Variants in MUC6 observed in about 807,000 individuals in gnomAD.
MUC6 encodes mucin 6, oligomeric mucus/gel-forming (gene/pseudogene).
In MUC6, 188 loss-of-function variants were observed where a neutral mutation model predicts 201.5. The observed-to-expected ratio is 0.93, with a 90% CI of 0.83 to 1.05. MUC6 has a LOEUF of 1.05. Ranked by LOEUF, MUC6 falls within the 50% of genes least tolerant of loss-of-function variation. MUC6 has a pLI of 0.00. For missense variants in MUC6, 2,706 were observed against 3,256.9 expected, an observed-to-expected ratio of 0.83 and a Z score of 4.12; for synonymous variants, 1,228 against 1,389.4, an observed-to-expected ratio of 0.88 and a Z score of 2.58.
At chr11:1,030,148 G>A (rs1243670700) in intron 8 of MUC6, 65 bp downstream of exon 8, 8 of 1,487,994 alleles carry the variant, frequency 5.4e-6, no homozygotes, top group Admixed American at 4.3e-5. Flanking sequence ...GGGGTCTGAC[G>A]TCCCCTTGTC....
rs571360650 is a variant in MUC6, at chr11:1,014,214, G to A, written c.7040-213C>T. Among the ~76,000 whole-genome samples the A allele has an allele frequency of 1.5e-3, 229 of 152,314 alleles. 1 individual carries two copies. The highest frequency in any genetic ancestry group is 2.9e-3 in the Non-Finnish European group (195 of 68,026). On this transcript the variant is annotated intron_variant, in intron 31 of 32. Coordinates refer to ENST00000421673, the MANE Select transcript of MUC6 (RefSeq NM_005961.3). Reference sequence around the variant, plus strand: ...TAGTTTGTTTTTTCCCCTCAAAGTCGCTCTGCTGGAGTCCATAAGGTAGAG... The same window carrying A: ...TAGTTTGTTTTTTCCCCTCAAAGTCACTCTGCTGGAGTCCATAAGGTAGAG...
Position 1,025,008 on chromosome 11 carries a change from C to T in MUC6, c.3061G>A (p.Ala1021Thr), listed in dbSNP as rs779473396. The T allele has an allele frequency of 1.2e-6, 2 of 1,613,120 alleles. No individual in the cohort carries two copies. Among genetic ancestry groups the T allele is most frequent in the Non-Finnish European group, 1.7e-6 (2 of 1,179,852 alleles). The change falls in exon 24 of 33, where the codon GCA becomes ACA. Residue 1021 changes from alanine to threonine, a missense_variant. Physicochemically the swap from Ala to Thr is moderately conservative, Grantham distance 58. Transcript: ENST00000421673. Reference sequence around the variant, plus strand: ...TTCACCAACTCCAGCTCGCTGGATGCCACGTACCTGCTGCGCGTCTCGAAG... The same window carrying T: ...TTCACCAACTCCAGCTCGCTGGATGTCACGTACCTGCTGCGCGTCTCGAAG... ...DDFETRSRYVASSELELVNSW... is the reference protein window; with the variant it reads ...DDFETRSRYVTSSELELVNSW...
At position 1,028,346 on chromosome 11, in the gene MUC6, T is replaced by C. The variant is rs1195888204; in HGVS notation, c.1633A>G (p.Thr545Ala). ...CCCTCGGCGATACCCATGCTAGTGG[T>C]GAAGTCATCCGTTGTGTCCCCGTTG... The part of the protein sequence containing the change: ...NFNGDTTDDF[T>A]TSMGIAEGTA... Residue 545 changes from threonine (T) to alanine (A), a missense_variant, in exon 14 of 33, where the codon ACC becomes GCC. Thr to Ala is a moderately conservative substitution (Grantham distance 58). This residue lies in a region of MUC6 where 1,850 missense variants were observed against 1,958.3 expected (regional missense o/e 0.94). Transcript: ENST00000421673. The C allele has an allele frequency of 3.7e-6, 6 of 1,612,630 alleles. No individual in the cohort carries two copies. The East Asian group carries it at 1.3e-4, about 36-fold the overall frequency.
In MUC6 at chr11:1,030,587, C is replaced by G; in HGVS notation, c.878G>C (p.Ser293Thr). The change falls in exon 7 of 33, where the codon AGC (serine) becomes ACC (threonine). Residue 293 changes from serine (S) to threonine (T), a missense_variant. By Grantham distance (58) the Ser-to-Thr change is moderately conservative (BLOSUM62 1). Transcript: ENST00000421673. The part of the protein sequence containing the change: ...MVGQPVRRWR[S>T]PGLCSVGQCP... ...CCTGGACTCACAGCACAGGCCGGGG[C>G]TCCGCCAGCGGCGGACCGGCTGGCC... 1 of 1,519,792 alleles carries G rather than the reference C, an allele frequency of 6.6e-7. No homozygotes were observed. 94.1% of individuals were successfully genotyped at this position (1,519,792 alleles called of 1,614,324 possible).
intron 6 of MUC6, 77 bp from the exon 7 acceptor site, chr11:1,030,857 T>C: frequency 6.5e-7 from 1 of 1,528,266 alleles, no homozygotes; most frequent in Non-Finnish European, 8.8e-7. Context: ...GGGCAGGGCG[T>C]CTGTGATGCG....
In MUC6 at chr11:1,015,745, A is replaced by C. The variant is rs776589865; in HGVS notation, c.7039+17T>G. Reference sequence around the variant, plus strand: ...CAGAGGTGAGGCCAGGAGAAGGGCCACAGAGATGCCACTTACCGGGTGAGG... The same window carrying C: ...CAGAGGTGAGGCCAGGAGAAGGGCCCCAGAGATGCCACTTACCGGGTGAGG... On this transcript the variant is annotated intron_variant, in intron 31 of 32. Transcript: ENST00000421673. 7.9e-6 allele frequency: 12 copies of C among 1,526,696 alleles called. No individual in the cohort carries two copies. The East Asian group carries it at 2.7e-4, about 35-fold the overall frequency. 94.6% of individuals were successfully genotyped at this position (1,526,696 alleles called of 1,614,324 possible).
intron 1 of MUC6, among the ~76,000 whole-genome samples, chr11:1,034,879 C>T (rs993973003): frequency 2.6e-5 from 4 of 152,200 alleles, no homozygotes; most frequent in Non-Finnish European, 5.9e-5. Flanking sequence ...GGAGGTTCCC[C>T]GAGTCCACTG....
chr11:1,023,781 TC>T (rs1856882028), intron 25 of MUC6, 129 bp from the exon 26 acceptor site: 2 of 1,457,020 alleles, frequency 1.4e-6, no homozygotes, highest in East Asian at 4.9e-5. Flanking sequence ...TGGTGAAGCC[TC>T]CCCTGGGCAG....
intron 27 of MUC6, among the ~76,000 whole-genome samples, chr11:1,021,007 T>C (rs1296296654): frequency 6.6e-6 from 1 of 152,126 alleles, no homozygotes; most frequent in Non-Finnish European, 1.5e-5. Context: ...GGTTCAGTGC[T>C]GTGTTTTTTT....
rs1856982941 is a variant in MUC6, at chr11:1,027,251, C to G, written c.2231+17G>C. ...CCTGGCAGGGACCCCCCGCCTGGCC[C>G]CTGCCCGGTCCCTCACCAGGTGATG... On this transcript the variant is annotated intron_variant, in intron 17 of 32. Transcript: ENST00000421673. 6.2e-7 allele frequency: 1 copy of G among 1,611,898 alleles called. No individual in the cohort carries two copies. The highest frequency in any genetic ancestry group is 1.3e-5 in the African/African-American group (1 of 74,904).
Position 1,033,365 on chromosome 11 carries a change from G to A in MUC6, c.53-290C>T, listed in dbSNP as rs1371016547. ...GGGTTCGGCAGATGGCGGGCACCCT[G>A]TGTGCAGGGTACTCATCCCTGGGGC... On this transcript the variant is annotated intron_variant, in intron 1 of 32. Coordinates refer to ENST00000421673, the MANE Select transcript of MUC6 (RefSeq NM_005961.3). The surrounding 1 kb of genome is among the most constrained non-coding windows in gnomAD (Gnocchi z 5.6). 6.6e-6 allele frequency among the ~76,000 whole-genome samples: 1 copy of A among 152,168 alleles called. No homozygotes were observed. The highest frequency in any genetic ancestry group is 1.9e-4 in the East Asian group (1 of 5,192).
At chr11:1,024,811 G>T (rs1328501586) in intron 24 of MUC6, 33 bp downstream of exon 24, 1 of 1,595,232 alleles carries the variant, frequency 6.3e-7, no homozygotes, top group African/African-American at 1.3e-5. Flanking sequence ...TTTGTGGAGG[G>T]GCAGGCGCAC....
At chr11:1,025,632 C>T (rs975672007) in intron 22 of MUC6, among the ~76,000 whole-genome samples, 173 bp downstream of exon 22, 26 of 152,148 alleles carry the variant, frequency 1.7e-4, no homozygotes, top group African/African-American at 6.0e-4. Flanking sequence ...CACAAGCACC[C>T]GTGGTCCTGA....
In MUC6 at chr11:1,013,406, T is replaced by A; in HGVS notation, c.*50A>T. 1 of 1,502,692 alleles carries A rather than the reference T, an allele frequency of 6.7e-7. No homozygotes were observed. The highest frequency in any genetic ancestry group is 8.9e-7 in the Non-Finnish European group (1 of 1,117,972). 93.1% of individuals were successfully genotyped at this position (1,502,692 alleles called of 1,614,324 possible). A position where few individuals can be genotyped will look rare whatever the true frequency, so the allele number is the denominator to read the frequency against. ...GGAAGGGGGCTGGTGGGTGTTTTCC[T>A]GTCTGTCATCTGCAGTCCTTCAGCC... On this transcript the variant is annotated 3_prime_UTR_variant, in exon 33 of 33. Coordinates refer to ENST00000421673, the MANE Select transcript of MUC6 (RefSeq NM_005961.3).
rs776826218 is a variant in MUC6 at position 1,021,281 on chromosome 11, G to T, written c.3527-4C>A. On this transcript the variant is annotated splice_region_variant and splice_polypyrimidine_tract_variant and intron_variant, in intron 26 of 32. Coordinates refer to ENST00000421673, the MANE Select transcript of MUC6 (RefSeq NM_005961.3). ...TCCTGGGAGCAGTTGTAGCAGCCTA[G>T]GGTGGAGAACGGCCAGGGTCTGTGT... 6.4e-7 allele frequency: 1 copy of T among 1,565,150 alleles called. No individual in the cohort carries two copies. Among genetic ancestry groups the T allele is most frequent in the South Asian group, 1.2e-5 (1 of 83,586 alleles).
At chr11:1,036,481 C>T in intron 1 of MUC6, 123 bp downstream of exon 1, 2 of 1,134,856 alleles carry the variant, frequency 1.8e-6, no homozygotes, top group Non-Finnish European at 2.5e-6. Flanking sequence ...CGAGCTGGGG[C>T]CTCCCGTCCA....
rs762249427 is a variant in MUC6, at chr11:1,027,294, C to T, written c.2205G>A (p.Gln735=). 2.5e-6 allele frequency: 4 copies of T among 1,612,732 alleles called. No homozygotes were observed. The highest frequency in any genetic ancestry group is 3.3e-4 in the Middle Eastern group (2 of 6,062). The change falls in exon 17 of 33, where the codon CAG becomes CAA. Residue 735 remains glutamine, a synonymous_variant. Transcript: ENST00000421673. The part of the protein sequence containing the change: ...LEGYKFILAE[Q]STVINGITCH... ...AGGTGATGCCGTTGATGACAGTGGA[C>T]TGCTCGGCCAGGATGAACTTGTAAC...
chr11:1,026,512 G>A, intron 19 of MUC6, 34 bp from the exon 20 acceptor site: 1 of 1,536,740 alleles, frequency 6.5e-7, no homozygotes, highest in South Asian at 1.2e-5. Context: ...TCCTGGGAGG[G>A]TGGCCTCAGC....
In MUC6 at chr11:1,025,217, T is replaced by C; in HGVS notation, c.2950A>G (p.Met984Val). 1.2e-6 allele frequency: 2 copies of C among 1,612,770 alleles called. No individual in the cohort carries two copies. The highest frequency in any genetic ancestry group is 1.6e-4 in the Middle Eastern group (1 of 6,062). ...YNLTLIWNRHMTILIRIARAS... is the reference protein window; with the variant it reads ...YNLTLIWNRHVTILIRIARAS... The stretch of plus-strand genomic sequence containing the variant: ...CGGGCGATCCTGATGAGGATGGTCA[T>C]GTGCCTGTTCCAGATGAGCGTCAGG... Residue 984 changes from methionine (M) to valine (V), a missense_variant, in exon 23 of 33, where the codon ATG (methionine) becomes GTG (valine). This residue lies in a region of MUC6 where 1,850 missense variants were observed against 1,958.3 expected (regional missense o/e 0.94). Transcript: ENST00000421673.
Sources: gnomAD v4.1 joint callset for allele counts (sites outside exome capture counted in the v4.1 genomes callset) on GRCh38, gnomAD v4.1.1 for gene constraint, gnomAD v4.1.1 regional missense constraint, Gnocchi (gnomAD v3.1) non-coding constraint, MANE v1.5 for transcripts, NCBI Gene and HGNC (gene_info 2026-07-23, HGNC 2026-07-21) for gene names.